The following DPAGT1 variants were observed in gnomAD, a reference collection of about 807,000 sequenced individuals.
DPAGT1 encodes the protein dolichyl-phosphate N-acetylglucosaminephosphotransferase 1.
Under a neutral mutation model 39.3 loss-of-function variants are expected in DPAGT1, and 25 were observed. That is an observed-to-expected ratio of 0.64 (90% CI 0.46 to 0.89). The LOEUF is 0.89. Among genes scored for constraint, DPAGT1 ranks in the 40% least tolerant of loss-of-function variants. The pLI is 0.00. For missense variants in DPAGT1, 381 were observed against 500.6 expected (o/e 0.76, Z 2.28); for synonymous variants, 193 against 201.4 (o/e 0.96, Z 0.36).
At chr11:119,099,181 T>C (rs1181431151) in intron 4 of DPAGT1, among the ~76,000 whole-genome samples, 1 of 152,072 alleles carries the variant, frequency 6.6e-6, no homozygotes, top group Non-Finnish European at 1.5e-5. Flanking sequence ...TCCCAGCACT[T>C]TGGGAGGCTG....
Position 119,101,746 on chromosome 11 carries a change from G to A in DPAGT1, c.-91C>T. On this transcript the variant is annotated 5_prime_UTR_variant, in exon 1 of 9. Transcript: ENST00000354202. ...GAGGCCTCAGCAGTATGGAGTGGCC[G>A]CTCCCCACAGGCAGGCTCTTCCCAC... is the stretch of plus-strand genomic sequence containing the variant. 8 of 1,597,518 alleles carry A rather than the reference G, an allele frequency of 5.0e-6. No homozygotes were observed. The highest frequency in any genetic ancestry group is 4.5e-5 in the South Asian group (4 of 89,428).
At chr11:119,101,445 C>A in intron 1 of DPAGT1, 50 bp downstream of exon 1, 1 of 1,613,622 alleles carries the variant, frequency 6.2e-7, no homozygotes, top group Non-Finnish European at 8.5e-7. Context: ...GCCCTAGCCA[C>A]TCCTTCCTTA....
At chr11:119,094,952 C>A, downstream of DPAGT1, 1 of 1,589,510 alleles carries the variant, frequency 6.3e-7, no homozygotes, top group Non-Finnish European at 8.5e-7. Flanking sequence ...CCGGCCGCGG[C>A]GCGGGCCCTC....
At chr11:119,098,092 C>G in intron 5 of DPAGT1, 49 bp from the exon 6 acceptor site, 5 of 1,609,648 alleles carry the variant, frequency 3.1e-6, no homozygotes, top group Non-Finnish European at 4.2e-6. Context: ...CATTACCAAT[C>G]CCTTCTCTCA....
At chr11:119,100,447 T>C in intron 3 of DPAGT1, 39 bp from the exon 4 acceptor site, 1 of 1,613,900 alleles carries the variant, frequency 6.2e-7, no homozygotes, top group Non-Finnish European at 8.5e-7. Flanking sequence ...TAGTGCCACC[T>C]AGGGGAGGAG....
At chr11:119,095,540 C>T, downstream of DPAGT1, 1 of 883,784 alleles carries the variant, frequency 1.1e-6, no homozygotes, top group Non-Finnish European at 1.6e-6. Flanking sequence ...TGGCTCTTTT[C>T]TCCAATACCC....
chr11:119,097,055 G>A lies in DPAGT1; in HGVS notation c.1170C>T (p.Gly390=), dbSNP rs774728221. ...ATCGAATGGAGAAGGTGATGGCACTGCCCAGGATCTGCAAGGAGAAATGGA... is the reference window on the plus strand; with the variant it reads ...ATCGAATGGAGAAGGTGATGGCACTACCCAGGATCTGCAAGGAGAAATGGA... ...TLLLLLLQIL[G]SAITFSIRYQ... is the part of the protein sequence containing the mutation. The change falls in exon 9 of 9, where the codon GGC becomes GGT. Residue 390 remains glycine, a synonymous_variant. Transcript: ENST00000354202. The surrounding 1 kb of genome is among the most constrained non-coding windows in gnomAD (Gnocchi z 4.6). 2.5e-6 allele frequency: 4 copies of A among 1,614,174 alleles called. No homozygotes were observed. The highest frequency in any genetic ancestry group is 2.2e-5 in the East Asian group (1 of 44,876).
chr11:119,098,207 A>G (rs1457950148), intron 5 of DPAGT1, 164 bp from the exon 6 acceptor site: 6 of 1,126,192 alleles, frequency 5.3e-6, no homozygotes, highest in African/African-American at 1.5e-5. Context: ...GAATTCATCT[A>G]TTCCTGGGGC....
intron 4 of DPAGT1, among the ~76,000 whole-genome samples, chr11:119,099,535 T>G (rs1234183976): frequency 1.3e-5 from 2 of 150,256 alleles, no homozygotes; most frequent in African/African-American, 4.9e-5. Flanking sequence ...GGCTCAAGAG[T>G]GTAATCCCAG....
chr11:119,098,755 G>A (rs1294007140), intron 4 of DPAGT1, among the ~76,000 whole-genome samples: 1 of 152,138 alleles, frequency 6.6e-6, no homozygotes, highest in African/African-American at 2.4e-5. Context: ...TTAGCTTTGT[G>A]ACCTTGATCT....
rs1565765573 is a variant in DPAGT1, at chr11:119,100,658, G to T, written c.468C>A (p.Arg156=). The change falls in exon 3 of 9, where the codon CGC becomes CGA. Residue 156 remains arginine (R), a synonymous_variant. Transcript: ENST00000354202. ...NTTIVVPKPF[R]PILGLHLDLG... is the part of the protein sequence containing the mutation. ...AGTCCAGATGCAGGCCAAGTATCGG[G>T]CGGAAGGGCTTGGGCACCACAATGG... 1 of 1,614,130 alleles carries T rather than the reference G, an allele frequency of 6.2e-7. No individual in the cohort carries two copies. The highest frequency in any genetic ancestry group is 2.2e-5 in the East Asian group (1 of 44,882).
chr11:119,094,788 G>A (rs965959751), downstream of DPAGT1: 1 of 669,440 alleles, frequency 1.5e-6, no homozygotes, highest in South Asian at 2.1e-5. Context: ...GGCGGGCGGG[G>A]ACTCGAGGCC....
chr11:119,100,584 T>A (rs1250227793), intron 3 of DPAGT1, 46 bp downstream of exon 3: 1 of 1,611,312 alleles, frequency 6.2e-7, no homozygotes, highest in Admixed American at 1.7e-5. Context: ...CAGGAAGGGT[T>A]CCCTGAAGTA....
At position 119,100,778 on chromosome 11, in the gene DPAGT1, A is replaced by C. The variant is rs200885014; in HGVS notation, c.348T>G (p.Asp116Glu). 1.2e-6 allele frequency: 2 copies of C among 1,614,218 alleles called. No homozygotes were observed. Among genetic ancestry groups the C allele is most frequent in the East Asian group, 2.2e-5 (1 of 44,878 alleles). ...TATGGCGCCAGCGCAGATTCAGTAC[A>C]TCATCCGCAAAGCCCAGGAAGATCA... ...CCMIFLGFAD[D>E]VLNLRWRHKL... Residue 116 changes from aspartate to glutamate, a missense_variant, in exon 3 of 9, where the codon GAT (aspartate) becomes GAG (glutamate). Transcript: ENST00000354202.
In DPAGT1 at chr11:119,100,759, G is replaced by A. The variant is rs866685069; in HGVS notation, c.367C>T (p.Arg123Cys). Residue 123 changes from arginine (R) to cysteine (C), a missense_variant, in exon 3 of 9, where the codon CGC becomes TGC. Coordinates refer to ENST00000354202, the MANE Select transcript of DPAGT1 (RefSeq NM_001382.4). Reference sequence around the variant, plus strand: ...GCTGTAGGTAGCAGCAGCTTATGGCGCCAGCGCAGATTCAGTACATCATCC... The same window carrying A: ...GCTGTAGGTAGCAGCAGCTTATGGCACCAGCGCAGATTCAGTACATCATCC... The part of the protein sequence containing the change: ...FADDVLNLRW[R>C]HKLLLPTAAS... The A allele has an allele frequency of 1.9e-6, 3 of 1,614,022 alleles. No individual in the cohort carries two copies. The highest frequency in any genetic ancestry group is 1.3e-5 in the African/African-American group (1 of 74,894).
At position 119,101,158 on chromosome 11, in the gene DPAGT1, G is replaced by C. The variant is rs749879111; in HGVS notation, c.162-20C>G. On this transcript the variant is annotated intron_variant, in intron 1 of 8. Coordinates refer to ENST00000354202, the MANE Select transcript of DPAGT1 (RefSeq NM_001382.4). ...TCTGGGCTGTGGCCCAGCAGCAAGG[G>C]GGCGAGGGGGAAGAGGAAAGGGGGC... is the stretch of plus-strand genomic sequence containing the variant. 20 of 1,613,764 alleles carry C rather than the reference G, an allele frequency of 1.2e-5. No homozygotes were observed. The highest frequency in any genetic ancestry group is 9.9e-5 in the South Asian group (9 of 91,070).
At position 119,097,726 on chromosome 11, in the gene DPAGT1, T is replaced by A. The variant is rs1946423201; in HGVS notation, c.917+129A>T. The stretch of plus-strand genomic sequence containing the variant: ...GCAAATAAATGTGCTTTGTAAGTTA[T>A]AAAGGGCTACTCACATGGAAATAGC... On this transcript the variant is annotated intron_variant, in intron 6 of 8. Transcript: ENST00000354202. The surrounding 1 kb of genome is among the most constrained non-coding windows in gnomAD (Gnocchi z 4.6). 1.4e-6 allele frequency: 2 copies of A among 1,460,228 alleles called. No individual in the cohort carries two copies. The allele number at this position is 1,460,228 out of a possible 1,614,324, so 90.5% of individuals were successfully genotyped here.
rs906300520 is a variant in DPAGT1, at chr11:119,097,104, G to A, written c.1161+38C>T. 1 of 1,614,230 alleles carries A rather than the reference G, an allele frequency of 6.2e-7. No homozygotes were observed. The highest frequency in any genetic ancestry group is 8.5e-7 in the Non-Finnish European group (1 of 1,180,042). On this transcript the variant is annotated intron_variant, in intron 8 of 8. Coordinates refer to ENST00000354202, the MANE Select transcript of DPAGT1 (RefSeq NM_001382.4). The surrounding 1 kb of genome is among the most constrained non-coding windows in gnomAD (Gnocchi z 4.6). ...GACTGGAGTAAGAATCACGCAGAAA[G>A]GGAGACACGGAGGTATAAACTCGAT...
At chr11:119,098,201 T>C in intron 5 of DPAGT1, 158 bp from the exon 6 acceptor site, 1 of 1,160,280 alleles carries the variant, frequency 8.6e-7, no homozygotes, top group Non-Finnish European at 1.3e-6. Flanking sequence ...GGCCCTGAAT[T>C]CATCTATTCC....
Sources: gnomAD v4.1 joint callset for allele counts (sites outside exome capture counted in the v4.1 genomes callset) on GRCh38, gnomAD v4.1.1 for gene constraint, Gnocchi (gnomAD v3.1) non-coding constraint, MANE v1.5 for transcripts, NCBI Gene and HGNC (gene_info 2026-07-23, HGNC 2026-07-21) for gene names.